ABCB1: variants seen among roughly 807,000 people sequenced by gnomAD.
ABCB1 encodes ATP binding cassette subfamily B member 1, also known as ATP-dependent translocase ABCB1.
Under a neutral mutation model 142.0 loss-of-function variants are expected in ABCB1, and 69 were observed. The ratio of observed to expected loss-of-function variants is 0.49; its 90% CI spans 0.40 to 0.59. The LOEUF (loss-of-function observed/expected upper bound fraction) is 0.59. ABCB1 is among the 20% of genes least tolerant of loss of function. The pLI is 0.00. For missense variants in ABCB1, 1,326 were observed against 1,554.7 expected (o/e 0.85, Z 2.47); for synonymous variants, 532 against 539.2 (o/e 0.99, Z 0.18).
chr7:87,620,563 T>C (rs1393652954), intron 1 of ABCB1, among the ~76,000 whole-genome samples: 2 of 152,240 alleles, frequency 1.3e-5, no homozygotes, highest in African/African-American at 4.8e-5. Context: ...TTCGTGGAAT[T>C]GGTATTCCAG....
chr7:87,628,725 G>T (rs1459375717), intron 1 of ABCB1: 7 of 708,662 alleles, frequency 9.9e-6, no homozygotes, highest in South Asian at 1.5e-4. Context: ...CATCCTTCCC[G>T]CGCCCCCACG....
intron 7 of ABCB1, among the ~76,000 whole-genome samples, chr7:87,565,002 A>G (rs991421951): frequency 2.6e-5 from 4 of 152,160 alleles, no homozygotes; most frequent in African/African-American, 7.2e-5. Flanking sequence ...CATTATTTGA[A>G]CTCTATGTTA....
At chr7:87,697,104 T>C (rs1828556197) in intron 1 of ABCB1, among the ~76,000 whole-genome samples, 1 of 152,166 alleles carries the variant, frequency 6.6e-6, no homozygotes, top group Non-Finnish European at 1.5e-5. Context: ...GCAAACCATG[T>C]CCTATGCCAA....
At position 87,633,721 on chromosome 7, in the gene ABCB1, T is replaced by C. The variant is rs971020419; in HGVS notation, c.-330-32643A>G. Among the ~76,000 whole-genome samples, 3 of 152,174 alleles carry C rather than the reference T, an allele frequency of 2.0e-5. No individual in the cohort carries two copies. The East Asian group carries it at 5.8e-4, about 29-fold the overall frequency. On this transcript the variant is annotated intron_variant, in intron 1 of 28. Coordinates refer to the ABCB1 transcript ENST00000265724. ...GGCCTGAGTTAAGTTTAGTGAGCTT[T>C]AGAACTCTGAACTTCTTAACATTCT...
At chr7:87,646,142 T>A (rs573568468) in intron 1 of ABCB1, among the ~76,000 whole-genome samples, 138 of 152,320 alleles carry the variant, frequency 9.1e-4, no homozygotes, top group African/African-American at 3.2e-3. Flanking sequence ...TGACATTTTA[T>A]GTTTTTATGA....
In ABCB1 at chr7:87,505,017, G is replaced by A. The variant is rs138191315; in HGVS notation, c.3637-568C>T. On this transcript the variant is annotated intron_variant, in intron 27 of 27. Coordinates refer to ENST00000622132, the MANE Select transcript of ABCB1 (RefSeq NM_001348946.2). ...CCTCACTCTGTCACCAGGGTGGAGT[G>A]TAGTGGTACAATCATGGCTTACTGC... Among the ~76,000 whole-genome samples, 340 of 152,098 alleles carry A rather than the reference G, an allele frequency of 2.2e-3. 2 individuals carry two copies. The highest frequency in any genetic ancestry group is 7.8e-3 in the African/African-American group (324 of 41,502).
intron 1 of ABCB1, among the ~76,000 whole-genome samples, chr7:87,609,190 T>C (rs965174702): frequency 1.3e-5 from 2 of 152,178 alleles, no homozygotes; most frequent in African/African-American, 4.8e-5. Context: ...GTTTACAATT[T>C]TAAGTAGGAT....
intron 1 of ABCB1, among the ~76,000 whole-genome samples, chr7:87,648,657 T>C (rs1358675934): frequency 6.6e-6 from 1 of 152,182 alleles, no homozygotes; most frequent in South Asian, 2.1e-4. Context: ...TCTCAGTGTT[T>C]CTAATGTTTT....
intron 1 of ABCB1, among the ~76,000 whole-genome samples, chr7:87,619,434 G>A (rs1216850516): frequency 6.6e-6 from 1 of 151,690 alleles, no homozygotes; most frequent in Non-Finnish European, 1.5e-5. Context: ...AGATACTCAG[G>A]AGGCTGAGGC....
At chr7:87,588,782 G>A (rs1818866230) in intron 3 of ABCB1, among the ~76,000 whole-genome samples, 1 of 152,154 alleles carries the variant, frequency 6.6e-6, no homozygotes, top group Admixed American at 6.5e-5. Context: ...GTGTATAAAT[G>A]TTCCTTTTTC....
intron 1 of ABCB1, chr7:87,627,923 C>G (rs1051931452): frequency 6.6e-6 from 1 of 152,338 alleles, no homozygotes; most frequent in Admixed American, 6.5e-5. Flanking sequence ...GGAGATTCTA[C>G]GAGCAATTCC....
At chr7:87,681,103 T>C (rs1264601508) in intron 1 of ABCB1, among the ~76,000 whole-genome samples, 4 of 150,508 alleles carry the variant, frequency 2.7e-5, no homozygotes, top group Non-Finnish European at 5.9e-5. Context: ...AATGGGCCAA[T>C]TTCTTGAAAG....
In ABCB1 at chr7:87,568,267, A is replaced by AATAATAATAATAATAAT. The variant is rs775493469; in HGVS notation, c.339-1292_339-1291insATTATTATTATTATTAT. ...CAATAATAATAATAATAATAATAATAAAAATTAGCCGGGTGTGGTGGTGCA... is the reference window on the plus strand; with the variant it reads ...CAATAATAATAATAATAATAATAATAATAATAATAATAATAATAAAATTAGCCGGGTGTGGTGGTGCA... On this transcript the variant is annotated intron_variant, in intron 5 of 27. Coordinates refer to ENST00000622132, the MANE Select transcript of ABCB1 (RefSeq NM_001348946.2). 1.2e-3 allele frequency among the ~76,000 whole-genome samples: 123 copies of AATAATAATAATAATAAT among 100,402 alleles called. 1 individual carries two copies. Among genetic ancestry groups the AATAATAATAATAATAAT allele is most frequent in the Middle Eastern group, 5.0e-3 (1 of 200 alleles). 65.9% of individuals were successfully genotyped at this position (100,402 alleles called of 152,430 possible). A position where few individuals can be genotyped will look rare whatever the true frequency, so the allele number is the denominator to read the frequency against.
rs200204333 is a variant in ABCB1, at chr7:87,503,737, T to A, written c.*506A>T. 3.1e-5 allele frequency: 6 copies of A among 191,268 alleles called. No homozygotes were observed. Among genetic ancestry groups the A allele is most frequent in the Non-Finnish European group, 6.5e-5 (6 of 91,700 alleles). The allele number at this position is 191,268 out of a possible 1,614,324, so 11.8% of individuals were successfully genotyped here. A position where few individuals can be genotyped will look rare whatever the true frequency, so the allele number is the denominator to read the frequency against. On this transcript the variant is annotated 3_prime_UTR_variant, in exon 28 of 28. Transcript: ENST00000622132. ...CATATACAACAGGAATTATTTAAAC[T>A]GCTTAACCATTCCCACAAAAATGAG... is the stretch of plus-strand genomic sequence containing the variant.
At chr7:87,602,582 T>C (rs1047300124), upstream of ABCB1, among the ~76,000 whole-genome samples, 1 of 152,174 alleles carries the variant, frequency 6.6e-6, no homozygotes, top group African/African-American at 2.4e-5. Flanking sequence ...TGTATCCTTT[T>C]GAATGGCCTT....
At chr7:87,679,485 G>T (rs1826712728) in intron 1 of ABCB1, among the ~76,000 whole-genome samples, 1 of 149,970 alleles carries the variant, frequency 6.7e-6, no homozygotes, top group South Asian at 2.1e-4. Flanking sequence ...ACATCCCCAA[G>T]CTCAAATGAT....
intron 4 of ABCB1, among the ~76,000 whole-genome samples, chr7:87,572,186 G>A (rs573958117): frequency 2.1e-5 from 3 of 143,056 alleles, no homozygotes; most frequent in Admixed American, 6.9e-5. Context: ...TATTTACCAG[G>A]AAATGTCTCT....
intron 1 of ABCB1, among the ~76,000 whole-genome samples, chr7:87,644,896 A>T (rs1023123988): frequency 1.3e-5 from 2 of 151,948 alleles, no homozygotes; most frequent in African/African-American, 2.4e-5. Context: ...TTTTTAAGTT[A>T]TTTTTAATTA....
intron 4 of ABCB1, among the ~76,000 whole-genome samples, chr7:87,579,671 G>A (rs1202176): frequency 0.7 from 106,482 of 151,944 alleles, 37,728 homozygotes; most frequent in East Asian, 0.98. Flanking sequence ...ATTGATAAGT[G>A]AAGACTTACT....
Sources: gnomAD v4.1 joint callset for allele counts (sites outside exome capture counted in the v4.1 genomes callset) on GRCh38, gnomAD v4.1.1 for gene constraint, MANE v1.5 for transcripts, NCBI Gene and HGNC (gene_info 2026-07-23, HGNC 2026-07-21) for gene names.